The following FRMD6 variants were observed in gnomAD, a reference collection of about 807,000 sequenced individuals.
FRMD6 encodes the protein FERM domain-containing protein 6.
FRMD6 carries 37 observed loss-of-function variants against 73.2 expected under a neutral mutation model. The ratio of observed to expected loss-of-function variants is 0.51; its 90% confidence interval spans 0.39 to 0.66. FRMD6 has a LOEUF of 0.66. Ranked by LOEUF, FRMD6 falls within the 30% of genes least tolerant of loss-of-function variation. The pLI, the probability that FRMD6 is intolerant of heterozygous loss-of-function variation, is 0.00. For synonymous variants in FRMD6, 273 were observed against 282.2 expected (o/e 0.97, Z 0.33); for missense variants, 714 against 780.5 (o/e 0.91, Z 1.02).
chr14:51,672,162 A>G (rs115563123), intron 1 of FRMD6, among the ~76,000 whole-genome samples: 75 of 152,338 alleles, frequency 4.9e-4, no homozygotes, highest in African/African-American at 1.7e-3. Flanking sequence ...GATCCAGTCA[A>G]AGCAAAGGTC....
chr14:51,482,636 AAG>A, the FRMD6 span, among the ~76,000 whole-genome samples: 1 of 151,720 alleles, frequency 6.6e-6, no homozygotes, highest in Non-Finnish European at 1.5e-5. Context: ...ATATCTAGGA[AAG>A]AGAGAGGTGC....
At chr14:51,618,398 G>A (rs1296391653) in intron 2 of FRMD6, among the ~76,000 whole-genome samples, 1 of 152,176 alleles carries the variant, frequency 6.6e-6, no homozygotes, top group African/African-American at 2.4e-5. Flanking sequence ...CAAGAGCACA[G>A]CTTGCTCATA....
chr14:51,491,522 A>G (rs1302712634), intron 1 of FRMD6: 4 of 152,416 alleles, frequency 2.6e-5, no homozygotes, highest in Non-Finnish European at 5.9e-5. Context: ...GCTGAGCGCC[A>G]GCTATGTGCC....
rs1397688732 is a variant in FRMD6, at chr14:51,698,181, G to A, written c.139G>A (p.Asp47Asn). ...TCACCAGTTGCTGGTCCAGGTTTGT[G>A]ACCTGCTCAGGCTAAAGGACTGCCA... ...LCHQLLVQVC[D>N]LLRLKDCHLF... Residue 47 changes from aspartate (D) to asparagine (N), a missense_variant, in exon 3 of 14, where the codon GAC becomes AAC. Asp to Asn is a conservative substitution (Grantham distance 23, BLOSUM62 1). Transcript: ENST00000344768. The A allele has an allele frequency of 1.9e-6, 3 of 1,612,656 alleles. No individual in the cohort carries two copies. The highest frequency in any genetic ancestry group is 2.5e-6 in the Non-Finnish European group (3 of 1,179,032).
At chr14:51,691,447 C>G (rs1895556033) in intron 2 of FRMD6, among the ~76,000 whole-genome samples, 1 of 152,002 alleles carries the variant, frequency 6.6e-6, no homozygotes, top group Non-Finnish European at 1.5e-5. Flanking sequence ...ATTTTTCAAC[C>G]CCTCTCTGTG....
the FRMD6 span, among the ~76,000 whole-genome samples, chr14:51,424,084 G>A: frequency 2.6e-5 from 4 of 152,132 alleles, no homozygotes; most frequent in Admixed American, 2.0e-4. Flanking sequence ...AATTGATTAG[G>A]CTCAAACTGC....
At chr14:51,695,049 A>G (rs1318269655) in intron 2 of FRMD6, among the ~76,000 whole-genome samples, 3 of 151,816 alleles carry the variant, frequency 2.0e-5, no homozygotes, top group African/African-American at 7.3e-5. Context: ...TGGAGGAAAT[A>G]TATAACGTTA....
intron 1 of FRMD6, among the ~76,000 whole-genome samples, chr14:51,496,186 C>G (rs2140188417): frequency 6.6e-6 from 1 of 152,312 alleles, no homozygotes; most frequent in South Asian, 2.1e-4. Context: ...ATGGTGGTGA[C>G]AGTGTTCCAA....
chr14:51,691,588 ATTTTT>A (rs758677611), intron 2 of FRMD6, among the ~76,000 whole-genome samples: 22,182 of 74,920 alleles, frequency 0.3, 1,345 homozygotes, highest in East Asian at 0.4. Context: ...TTTGATTTTG[ATTTTT>A]TTTTTTTTTT....
At chr14:51,469,156 A>G in the FRMD6 span, among the ~76,000 whole-genome samples, 2 of 151,498 alleles carry the variant, frequency 1.3e-5, no homozygotes, top group Non-Finnish European at 2.9e-5. Flanking sequence ...TAGCCAGGAT[A>G]GTCTCGATTT....
intron 3 of FRMD6, among the ~76,000 whole-genome samples, chr14:51,698,464 A>G (rs1223254135): frequency 6.6e-6 from 1 of 152,114 alleles, no homozygotes; most frequent in Non-Finnish European, 1.5e-5. Context: ...GTTTGAACTT[A>G]AAAATTGATT....
intron 2 of FRMD6, among the ~76,000 whole-genome samples, chr14:51,574,520 A>G (rs1198245589): frequency 6.6e-6 from 1 of 152,234 alleles, no homozygotes; most frequent in Non-Finnish European, 1.5e-5. Context: ...TTGCAACAAC[A>G]TGGACAGAAC....
chr14:51,617,240 C>T (rs182186555), intron 2 of FRMD6, among the ~76,000 whole-genome samples: 171 of 152,194 alleles, frequency 1.1e-3, no homozygotes, highest in Middle Eastern at 3.4e-3. Flanking sequence ...GGAACACTGA[C>T]CTTGTATATG....
intron 1 of FRMD6, among the ~76,000 whole-genome samples, chr14:51,662,756 C>A (rs549559026): frequency 6.6e-6 from 1 of 152,146 alleles, no homozygotes; most frequent in Non-Finnish European, 1.5e-5. Context: ...CTGATGAAGA[C>A]AGCAAAAGCA....
At chr14:51,429,422 A>G in the FRMD6 span, among the ~76,000 whole-genome samples, 1 of 71,728 alleles carries the variant, frequency 1.4e-5, no homozygotes, top group Non-Finnish European at 2.9e-5. Context: ...GTAGTCATGA[A>G]GATTTTTTTT....
In FRMD6 at chr14:51,581,207, CT is replaced by C. The variant is rs367864036; in HGVS notation, c.-147+10798del. Among the ~76,000 whole-genome samples, 53 of 152,266 alleles carry C rather than the reference CT, an allele frequency of 3.5e-4. 1 individual carries two copies. Among genetic ancestry groups the C allele is most frequent in the African/African-American group, 1.2e-3 (51 of 41,544 alleles). Reference sequence around the variant, plus strand: ...CATGCATCCGCCCACACTTCCCACACTGTACAAATGCTTCTCTCTCATCCTC... The same window carrying C: ...CATGCATCCGCCCACACTTCCCACACGTACAAATGCTTCTCTCTCATCCTC... On this transcript the variant is annotated intron_variant, in intron 2 of 14. Coordinates refer to the FRMD6 transcript ENST00000356218.
the FRMD6 span, among the ~76,000 whole-genome samples, chr14:51,416,035 TTC>T: frequency 1.3e-5 from 2 of 152,212 alleles, no homozygotes; most frequent in African/African-American, 4.8e-5. Flanking sequence ...TATTTGATTC[TTC>T]TCTCTTTTCT....
At chr14:51,594,323 T>TTTAC (rs1889584110) in intron 2 of FRMD6, among the ~76,000 whole-genome samples, 1 of 146,856 alleles carries the variant, frequency 6.8e-6, no homozygotes. Context: ...TATTTATTTA[T>TTTAC]TTATTTATTT....
intron 2 of FRMD6, among the ~76,000 whole-genome samples, chr14:51,581,949 C>A (rs922276547): frequency 3.3e-5 from 5 of 152,164 alleles, no homozygotes; most frequent in Admixed American, 1.3e-4. Context: ...GAAAAAAAAT[C>A]CTCTGTTGTG....
Sources: allele counts gnomAD v4.1 joint callset (sites outside exome capture counted in the v4.1 genomes callset), GRCh38; gene constraint gnomAD v4.1.1; transcripts MANE v1.5; gene names NCBI Gene and HGNC (gene_info 2026-07-23, HGNC 2026-07-21).